The following CEP57L1 variants were observed in gnomAD, a reference collection of about 807,000 sequenced individuals.
The protein encoded by CEP57L1 is centrosomal protein 57 like 1.
A neutral mutation model predicts 61.0 loss-of-function variants in CEP57L1; 37 were observed. The observed-to-expected ratio is 0.61, with a 90% CI of 0.47 to 0.80. The LOEUF (loss-of-function observed/expected upper bound fraction) is 0.80, where lower values mean the gene tolerates loss of function less well. Ranked by LOEUF, CEP57L1 falls within the 30% of genes least tolerant of loss-of-function variation. The pLI, the probability that CEP57L1 is intolerant of heterozygous loss-of-function variation, is 0.00. For missense variants in CEP57L1, 422 were observed against 524.7 expected (o/e 0.80, Z 1.91); for synonymous variants, 137 against 162.3 (o/e 0.84, Z 1.19).
Position 109,162,797 on chromosome 6 carries a change from T to G in CEP57L1, c.1210T>G (p.Ser404Ala). 6.2e-7 allele frequency: 1 copy of G among 1,613,336 alleles called. No individual in the cohort carries two copies. Among genetic ancestry groups the G allele is most frequent in the Non-Finnish European group, 8.5e-7 (1 of 1,179,536 alleles). The change falls in exon 11 of 11, where the codon TCA becomes GCA. Residue 404 changes from serine to alanine, a missense_variant. Transcript: ENST00000517392. ...KVQNSKMSEA[S>A]GIQQEDSYPK... The stretch of plus-strand genomic sequence containing the variant: ...TCAAAACTCAAAGATGAGTGAAGCT[T>G]CAGGTATTCAGCAAGAAGACAGCTA...
At chr6:109,123,460 C>T (rs1773208553) in intron 1 of CEP57L1, among the ~76,000 whole-genome samples, 1 of 152,112 alleles carries the variant, frequency 6.6e-6, no homozygotes, top group Non-Finnish European at 1.5e-5. Flanking sequence ...ATAGTGTTGC[C>T]TTCATGATTC....
intron 1 of CEP57L1, among the ~76,000 whole-genome samples, chr6:109,116,479 A>G (rs1752980016): frequency 2.0e-5 from 3 of 152,154 alleles, no homozygotes; most frequent in African/African-American, 7.2e-5. Flanking sequence ...CCCAGCTCCC[A>G]TAAGCATTTT....
At chr6:109,109,732 C>T (rs1771360356) in intron 1 of CEP57L1, among the ~76,000 whole-genome samples, 2 of 152,170 alleles carry the variant, frequency 1.3e-5, no homozygotes, top group African/African-American at 4.8e-5. Context: ...ATGTTCCCCT[C>T]CCTGTGTCCA....
chr6:109,135,833 A>G (rs1377795279), intron 1 of CEP57L1, among the ~76,000 whole-genome samples: 1 of 152,242 alleles, frequency 6.6e-6, no homozygotes, highest in Non-Finnish European at 1.5e-5. Context: ...ATCACTGGCC[A>G]TCAGAGAAAT....
At chr6:109,129,417 TC>T in intron 1 of CEP57L1, 1 of 736,472 alleles carries the variant, frequency 1.4e-6, no homozygotes, top group Non-Finnish European at 2.1e-6. Context: ...GTGCTGAGTG[TC>T]CCCCAATCCA....
intron 1 of CEP57L1, among the ~76,000 whole-genome samples, chr6:109,103,815 A>C (rs1665041970): frequency 6.6e-6 from 1 of 152,158 alleles, no homozygotes; most frequent in Non-Finnish European, 1.5e-5. Flanking sequence ...GAATTTTATA[A>C]ACCAGTCTCA....
At chr6:109,120,891 A>G (rs1772871478) in intron 1 of CEP57L1, among the ~76,000 whole-genome samples, 1 of 150,258 alleles carries the variant, frequency 6.7e-6, no homozygotes. Context: ...AGTCTTAGAA[A>G]ATTCCTATAC....
chr6:109,161,342 A>G (rs1773699743), intron 10 of CEP57L1, among the ~76,000 whole-genome samples: 2 of 152,178 alleles, frequency 1.3e-5, no homozygotes, highest in South Asian at 4.1e-4. Flanking sequence ...ATTCCAAGAC[A>G]ATGACTCCGT....
intron 1 of CEP57L1, among the ~76,000 whole-genome samples, chr6:109,104,565 TTTTG>T (rs1234873631): frequency 2.0e-5 from 3 of 152,094 alleles, no homozygotes; most frequent in African/African-American, 2.4e-5. Flanking sequence ...AGGCGTGTTT[TTTTG>T]TTTGTTTTTT....
At position 109,170,794 on chromosome 6, in the gene CEP57L1, A is replaced by T. The variant is rs377508875; in HGVS notation, c.*7824A>T. Among the ~76,000 whole-genome samples, 3 of 152,180 alleles carry T rather than the reference A, an allele frequency of 2.0e-5. No homozygotes were observed. The South Asian group carries it at 6.2e-4, about 32-fold the overall frequency. On this transcript the variant is annotated 3_prime_UTR_variant, in exon 11 of 11. Transcript: ENST00000517392. ...ATAGCTTATCCAAAATATGTAATACATGTGAGAGAATAGCACTGTTGAAAT... is the reference window on the plus strand; with the variant it reads ...ATAGCTTATCCAAAATATGTAATACTTGTGAGAGAATAGCACTGTTGAAAT...
intron 1 of CEP57L1, among the ~76,000 whole-genome samples, chr6:109,136,706 TTTTATTTTATTTTATTTTA>T (rs1770754052): frequency 2.5e-5 from 2 of 80,818 alleles, no homozygotes; most frequent in South Asian, 6.3e-4. Flanking sequence ...TGTATTTTTA[TTTTATTTTATTTTATTTTA>T]TTTTATTTTA....
chr6:109,109,815 T>C (rs1480706122), intron 1 of CEP57L1, among the ~76,000 whole-genome samples: 2 of 152,186 alleles, frequency 1.3e-5, no homozygotes, highest in Admixed American at 6.5e-5. Flanking sequence ...TTGCGTTAGT[T>C]TGCTGAGAAT....
intron 1 of CEP57L1, among the ~76,000 whole-genome samples, chr6:109,114,980 T>C (rs1467693023): frequency 6.6e-6 from 1 of 152,160 alleles, no homozygotes; most frequent in Non-Finnish European, 1.5e-5. Context: ...ACAATTATTA[T>C]TTGCCAATTA....
intron 2 of CEP57L1, 110 bp downstream of exon 2, chr6:109,145,491 C>T: frequency 1.4e-6 from 1 of 730,230 alleles, no homozygotes; most frequent in Non-Finnish European, 2.1e-6. Flanking sequence ...AAACTCCTAA[C>T]TTTGATTCTG....
intron 1 of CEP57L1, among the ~76,000 whole-genome samples, chr6:109,118,129 G>C (rs1405468779): frequency 1.3e-5 from 2 of 152,156 alleles, no homozygotes; most frequent in African/African-American, 4.8e-5. Context: ...TCTGCCTCCT[G>C]AGTTCAAGCA....
intron 1 of CEP57L1, among the ~76,000 whole-genome samples, chr6:109,102,046 G>C (rs981723309): frequency 2.0e-5 from 3 of 152,178 alleles, no homozygotes; most frequent in Admixed American, 2.0e-4. Context: ...GTTCTAATAG[G>C]TATGTAATGG....
At chr6:109,124,919 G>C (rs1334575106) in intron 1 of CEP57L1, 1 of 152,112 alleles carries the variant, frequency 6.6e-6, no homozygotes, top group Non-Finnish European at 1.5e-5. Flanking sequence ...GGACTGCCTG[G>C]GGTTGTATTT....
intron 1 of CEP57L1, among the ~76,000 whole-genome samples, chr6:109,120,889 A>C (rs1772871102): frequency 6.6e-6 from 1 of 150,890 alleles, no homozygotes; most frequent in Admixed American, 6.6e-5. Context: ...GCAGTCTTAG[A>C]AAATTCCTAT....
chr6:109,172,171 GACC>G lies in CEP57L1; in HGVS notation c.*9203_*9205del, dbSNP rs768843251. Reference sequence around the variant, plus strand: ...CTTCACCTGTGAAGTCATGTAGACAGACCATAATTCTCTCAGCAGACAGACCAT... The same window carrying G: ...CTTCACCTGTGAAGTCATGTAGACAGATAATTCTCTCAGCAGACAGACCAT... On this transcript the variant is annotated 3_prime_UTR_variant, in exon 11 of 11. Transcript: ENST00000517392. Among the ~76,000 whole-genome samples the G allele has an allele frequency of 0.12, 18,979 of 152,250 alleles. 1,340 individuals carry two copies. Among genetic ancestry groups the G allele is most frequent in the Middle Eastern group, 0.21 (63 of 294 alleles).
Sources: gnomAD v4.1 joint callset for allele counts (sites outside exome capture counted in the v4.1 genomes callset) on GRCh38, gnomAD v4.1.1 for gene constraint, MANE v1.5 for transcripts, NCBI Gene and HGNC (gene_info 2026-07-23, HGNC 2026-07-21) for gene names.